Variants in LDHC observed in about 807,000 individuals in gnomAD.
LDHC encodes the protein lactate dehydrogenase C, also known as L-lactate dehydrogenase C chain.
Under a neutral mutation model 30.2 loss-of-function variants are expected in LDHC, and 20 were observed. The ratio of observed to expected loss-of-function variants is 0.66; its 90% CI spans 0.47 to 0.96. The LOEUF is 0.96. Ranked by LOEUF, LDHC falls within the 40% of genes least tolerant of loss-of-function variation. LDHC has a pLI of 0.00. For synonymous variants in LDHC, 139 were observed against 132.7 expected, an observed-to-expected ratio of 1.05 and a Z score of -0.32; for missense variants, 362 against 394.9, an observed-to-expected ratio of 0.92 and a Z score of 0.71.
At chr11:18,444,603 G>GATATATATATATATATAT (rs1565057770) in intron 6 of LDHC, among the ~76,000 whole-genome samples, 1 of 75,594 alleles carries the variant, frequency 1.3e-5, no homozygotes. Context: ...GTGTTCAGGT[G>GATATATATATATATATAT]GTATATATAT....
intron 3 of LDHC, among the ~76,000 whole-genome samples, chr11:18,423,228 A>G (rs1236011639): frequency 1.3e-5 from 2 of 152,198 alleles, no homozygotes; most frequent in Non-Finnish European, 2.9e-5. Flanking sequence ...CAAGAGTAAA[A>G]TAAATAAATG....
intron 3 of LDHC, among the ~76,000 whole-genome samples, chr11:18,429,116 C>CTTTTTTTTTTTTTTTT (rs36038254): frequency 1.1e-5 from 1 of 93,924 alleles, no homozygotes; most frequent in Non-Finnish European, 1.9e-5. Context: ...TCATTTTGGT[C>CTTTTTTTTTTTTTTTT]TTTTTTTTTT....
chr11:18,440,294 C>G (rs952325686), intron 6 of LDHC, among the ~76,000 whole-genome samples: 1 of 151,702 alleles, frequency 6.6e-6, no homozygotes, highest in Non-Finnish European at 1.5e-5. Context: ...AGCCTGGCAA[C>G]AGAGCAAGAC....
In LDHC at chr11:18,445,685, A is replaced by T. The variant is rs368522521; in HGVS notation, c.711-525A>T. Reference sequence around the variant, plus strand: ...GGTAAATTAATTTTTACTTAAAAAAAGTAGGCTGGGCACGGTGGCTCACAC... The same window carrying T: ...GGTAAATTAATTTTTACTTAAAAAATGTAGGCTGGGCACGGTGGCTCACAC... On this transcript the variant is annotated intron_variant, in intron 6 of 7. Transcript: ENST00000541669. 1.3e-4 allele frequency among the ~76,000 whole-genome samples: 20 copies of T among 152,314 alleles called. No homozygotes were observed. The East Asian group carries it at 2.3e-3, about 18-fold the overall frequency.
intron 5 of LDHC, among the ~76,000 whole-genome samples, chr11:18,438,050 G>GAA (rs1008510142): frequency 1.5e-4 from 21 of 143,014 alleles, no homozygotes; most frequent in African/African-American, 5.4e-4. Flanking sequence ...GAGTGAAAAA[G>GAA]AAAAAAAAAA....
chr11:18,447,346 AG>A, intron 7 of LDHC, among the ~76,000 whole-genome samples: 1 of 152,170 alleles, frequency 6.6e-6, no homozygotes, highest in Non-Finnish European at 1.5e-5. Context: ...TGTGTTAACC[AG>A]GATGGTCTTG....
chr11:18,447,563 T>C (rs957028353), intron 7 of LDHC, among the ~76,000 whole-genome samples: 3 of 152,198 alleles, frequency 2.0e-5, no homozygotes, highest in African/African-American at 7.2e-5. Context: ...ATTATTCATA[T>C]GTATATTGAA....
At chr11:18,413,893 G>T (rs561312937) in intron 2 of LDHC, among the ~76,000 whole-genome samples, 2 of 152,330 alleles carry the variant, frequency 1.3e-5, no homozygotes, top group East Asian at 3.9e-4. Context: ...TTAAATTAGG[G>T]TAAGCAGAAA....
At chr11:18,449,942 T>C (rs939675905) in intron 7 of LDHC, among the ~76,000 whole-genome samples, 16 of 151,864 alleles carry the variant, frequency 1.1e-4, no homozygotes, top group Non-Finnish European at 2.1e-4. Flanking sequence ...AGAAGAACAA[T>C]GCCCTCCCTT....
intron 4 of LDHC, among the ~76,000 whole-genome samples, chr11:18,434,358 T>C (rs986350101): frequency 2.0e-5 from 3 of 152,142 alleles, no homozygotes; most frequent in African/African-American, 7.2e-5. Flanking sequence ...GGTGAACTTA[T>C]GTGATTTTTG....
chr11:18,435,779 C>T (rs930660028), intron 5 of LDHC, among the ~76,000 whole-genome samples: 6 of 152,118 alleles, frequency 3.9e-5, no homozygotes, highest in South Asian at 4.2e-4. Context: ...CTACCCTAGC[C>T]CCAGGCAACC....
At chr11:18,420,799 A>G (rs766183840) in intron 3 of LDHC, among the ~76,000 whole-genome samples, 1 of 152,174 alleles carries the variant, frequency 6.6e-6, no homozygotes, top group Non-Finnish European at 1.5e-5. Context: ...ATGCAAGACA[A>G]AAAATGAAGG....
At chr11:18,427,206 A>G (rs1354252150) in intron 3 of LDHC, among the ~76,000 whole-genome samples, 1 of 152,038 alleles carries the variant, frequency 6.6e-6, no homozygotes, top group African/African-American at 2.4e-5. Flanking sequence ...AAATACAAAA[A>G]TTAGCCGGGC....
chr11:18,414,959 TA>T (rs1215096467), intron 2 of LDHC, among the ~76,000 whole-genome samples: 3 of 152,176 alleles, frequency 2.0e-5, no homozygotes, highest in Non-Finnish European at 4.4e-5. Flanking sequence ...CACCCAGCTC[TA>T]AAAAGTTCTA....
intron 3 of LDHC, among the ~76,000 whole-genome samples, chr11:18,425,310 G>T (rs1340106324): frequency 6.6e-6 from 1 of 151,908 alleles, no homozygotes; most frequent in Admixed American, 6.6e-5. Flanking sequence ...TCAGCCTCCA[G>T]AGGACAAATG....
intron 3 of LDHC, among the ~76,000 whole-genome samples, chr11:18,427,800 C>G (rs898238840): frequency 6.6e-6 from 1 of 151,846 alleles, no homozygotes; most frequent in Non-Finnish European, 1.5e-5. Context: ...GCTTTACCCT[C>G]CTGAGTAACT....
At chr11:18,435,725 A>AGCCCAAAT (rs1285081026) in intron 5 of LDHC, among the ~76,000 whole-genome samples, 1 of 152,240 alleles carries the variant, frequency 6.6e-6, no homozygotes, top group Non-Finnish European at 1.5e-5. Flanking sequence ...ATCTAAATAC[A>AGCCCAAAT]GAATCTTTTC....
chr11:18,423,931 G>A (rs758891241), intron 3 of LDHC, among the ~76,000 whole-genome samples: 5 of 151,972 alleles, frequency 3.3e-5, no homozygotes, highest in Admixed American at 1.3e-4. Flanking sequence ...ATAAATAGGG[G>A]GAGAAAACTC....
intron 2 of LDHC, among the ~76,000 whole-genome samples, chr11:18,414,550 G>A (rs960202831): frequency 2.0e-5 from 3 of 152,090 alleles, no homozygotes; most frequent in East Asian, 1.9e-4. Flanking sequence ...AATCCTGGCC[G>A]GGCGCAGTGG....
Sources: gnomAD v4.1 joint callset for allele counts (sites outside exome capture counted in the v4.1 genomes callset) on GRCh38, gnomAD v4.1.1 for gene constraint, MANE v1.5 for transcripts, NCBI Gene and HGNC (gene_info 2026-07-23, HGNC 2026-07-21) for gene names.